The following SLC25A26 variants were observed in gnomAD, a reference collection of about 807,000 sequenced individuals.
SLC25A26 encodes mitochondrial S-adenosylmethionine carrier protein.
Under a neutral mutation model 37.8 loss-of-function variants are expected in SLC25A26, and 36 were observed. The observed-to-expected ratio is 0.95, with a 90% CI of 0.73 to 1.26. The LOEUF is 1.26. SLC25A26 is among the 50% of genes most tolerant of loss of function. The pLI is 0.00. For synonymous variants in SLC25A26, 129 were observed against 122.5 expected, an observed-to-expected ratio of 1.05 and a Z score of -0.35; for missense variants, 390 against 331.1, an observed-to-expected ratio of 1.18 and a Z score of -1.38.
chr3:66,152,262 G>T (rs1469491012), intron 1 of SLC25A26, among the ~76,000 whole-genome samples: 1 of 152,162 alleles, frequency 6.6e-6, no homozygotes, highest in Non-Finnish European at 1.5e-5. Context: ...TGGCCCAAGG[G>T]CTACACTTTG....
rs1457419785 is a variant in SLC25A26 at position 66,262,172 on chromosome 3, A to G, written c.405+17A>G. 6.1e-6 allele frequency: 8 copies of G among 1,303,556 alleles called. No individual in the cohort carries two copies. The highest frequency in any genetic ancestry group is 7.5e-6 in the Non-Finnish European group (7 of 936,784). The allele number at this position is 1,303,556 out of a possible 1,614,324, so 80.7% of individuals were successfully genotyped here. A position where few individuals can be genotyped will look rare whatever the true frequency, so the allele number is the denominator to read the frequency against. Reference sequence around the variant, plus strand: ...TATGAAGAGGTGAGATGGGTTTTTTAAGCTCTTCTTTTCTTTATTAAGATT... The same window carrying G: ...TATGAAGAGGTGAGATGGGTTTTTTGAGCTCTTCTTTTCTTTATTAAGATT... On this transcript the variant is annotated intron_variant, in intron 4 of 9. Transcript: ENST00000354883.
chr3:66,308,508 GA>G (rs1302614736), intron 5 of SLC25A26, among the ~76,000 whole-genome samples: 1 of 152,156 alleles, frequency 6.6e-6, no homozygotes, highest in Non-Finnish European at 1.5e-5. Context: ...TCTCTTGCCT[GA>G]TTGCCCTGGC....
intron 1 of SLC25A26, among the ~76,000 whole-genome samples, chr3:66,204,029 C>T (rs957770616): frequency 1.3e-5 from 2 of 152,146 alleles, no homozygotes; most frequent in African/African-American, 2.4e-5. Context: ...GTTTATTTAC[C>T]TTCTTCCCCT....
At chr3:66,267,703 G>T (rs1378312851) in intron 5 of SLC25A26, among the ~76,000 whole-genome samples, 1 of 152,190 alleles carries the variant, frequency 6.6e-6, no homozygotes, top group African/African-American at 2.4e-5. Flanking sequence ...CCCTAGTTTT[G>T]CTGTAAGCAG....
chr3:66,204,688 A>G (rs924651318), intron 1 of SLC25A26, among the ~76,000 whole-genome samples: 1 of 152,152 alleles, frequency 6.6e-6, no homozygotes, highest in African/African-American at 2.4e-5. Context: ...TTCGGCAAAG[A>G]TTAGTTGAGA....
intron 5 of SLC25A26, among the ~76,000 whole-genome samples, chr3:66,282,374 G>A (rs2074376193): frequency 2.0e-5 from 3 of 152,000 alleles, no homozygotes; most frequent in African/African-American, 7.3e-5. Flanking sequence ...TCGAACTCCC[G>A]ACCTCAAGGG....
intron 1 of SLC25A26, among the ~76,000 whole-genome samples, chr3:66,160,352 T>A (rs1187611028): frequency 6.6e-6 from 1 of 152,126 alleles, no homozygotes; most frequent in Non-Finnish European, 1.5e-5. Flanking sequence ...CTGTCCCCCA[T>A]TTCACCACCA....
chr3:66,329,049 A>G (rs920934396), intron 5 of SLC25A26, among the ~76,000 whole-genome samples: 2 of 152,276 alleles, frequency 1.3e-5, no homozygotes, highest in South Asian at 4.1e-4. Flanking sequence ...CACGTGGCAC[A>G]TTGTGATCAC....
At chr3:66,301,790 C>CG (rs1481380805) in intron 5 of SLC25A26, among the ~76,000 whole-genome samples, 1 of 152,086 alleles carries the variant, frequency 6.6e-6, no homozygotes, top group Non-Finnish European at 1.5e-5. Context: ...AGAATTGTGA[C>CG]GGGGGTAATT....
chr3:66,289,478 C>A (rs909416920), intron 5 of SLC25A26, among the ~76,000 whole-genome samples: 1 of 152,042 alleles, frequency 6.6e-6, no homozygotes, highest in South Asian at 2.1e-4. Context: ...AGTCTTTAAC[C>A]CATCTTGAGT....
At chr3:66,253,425 GTGGAAAGAGTTTTC>G (rs2073174639) in intron 3 of SLC25A26, among the ~76,000 whole-genome samples, 1 of 151,734 alleles carries the variant, frequency 6.6e-6, no homozygotes, top group South Asian at 2.1e-4. Context: ...AAATGTTGAG[GTGGAAAGAGTTTTC>G]TGGATTATCC....
At chr3:66,341,748 C>T (rs2076214464) in intron 5 of SLC25A26, among the ~76,000 whole-genome samples, 1 of 152,032 alleles carries the variant, frequency 6.6e-6, no homozygotes, top group Non-Finnish European at 1.5e-5. Context: ...TTTCAATTTT[C>T]CTCCTTTTAG....
At chr3:66,144,779 G>A (rs1211627228) in intron 1 of SLC25A26, among the ~76,000 whole-genome samples, 1 of 152,164 alleles carries the variant, frequency 6.6e-6, no homozygotes, top group East Asian at 1.9e-4. Flanking sequence ...TGCAATCATT[G>A]CTAACTCATT....
upstream of SLC25A26, chr3:66,220,804 T>A (rs1553657920): frequency 2.0e-6 from 1 of 510,012 alleles, no homozygotes; most frequent in African/African-American, 2.0e-5. Flanking sequence ...ACGGATCTTT[T>A]GCTCGCGAAA....
intron 9 of SLC25A26, among the ~76,000 whole-genome samples, chr3:66,372,634 A>G (rs1700407985): frequency 6.6e-6 from 1 of 152,186 alleles, no homozygotes; most frequent in African/African-American, 2.4e-5. Flanking sequence ...TGTACAGTGT[A>G]GTCCCTAAGA....
At chr3:66,375,609 C>T (rs1487404608) in intron 9 of SLC25A26, among the ~76,000 whole-genome samples, 1 of 152,186 alleles carries the variant, frequency 6.6e-6, no homozygotes, top group Non-Finnish European at 1.5e-5. Context: ...AGAAATGGAA[C>T]AACAAAGCCT....
chr3:66,235,347 C>A (rs983525514), intron 1 of SLC25A26, among the ~76,000 whole-genome samples: 1 of 152,158 alleles, frequency 6.6e-6, no homozygotes, highest in East Asian at 1.9e-4. Flanking sequence ...CCCCCAAAAT[C>A]CATTTAGCAG....
chr3:66,370,276 C>G (rs1472413565), intron 8 of SLC25A26, among the ~76,000 whole-genome samples: 1 of 152,238 alleles, frequency 6.6e-6, no homozygotes, highest in Non-Finnish European at 1.5e-5. Flanking sequence ...TTAAATAGTT[C>G]ATCAGTCATC....
At chr3:66,175,941 A>T (rs1021952034) in intron 1 of SLC25A26, among the ~76,000 whole-genome samples, 4 of 152,210 alleles carry the variant, frequency 2.6e-5, no homozygotes, top group Admixed American at 1.3e-4. Context: ...CATAAAATTA[A>T]TTATCACCCA....
Sources: gnomAD v4.1 joint callset for allele counts (sites outside exome capture counted in the v4.1 genomes callset) on GRCh38, gnomAD v4.1.1 for gene constraint, MANE v1.5 for transcripts, NCBI Gene and HGNC (gene_info 2026-07-23, HGNC 2026-07-21) for gene names.